Variants in SLC13A3 observed in about 807,000 individuals in gnomAD.
SLC13A3 encodes the protein solute carrier family 13 member 3.
SLC13A3 carries 40 observed loss-of-function variants against 59.0 expected under a neutral mutation model. That is an observed-to-expected ratio of 0.68 (90% CI 0.53 to 0.88). The LOEUF (loss-of-function observed/expected upper bound fraction) is 0.88, where lower values mean the gene tolerates loss of function less well. SLC13A3 is among the 40% of genes least tolerant of loss of function. The pLI, the probability that SLC13A3 is intolerant of heterozygous loss-of-function variation, is 0.00. For missense variants in SLC13A3, 699 were observed against 783.2 expected, an observed-to-expected ratio of 0.89 and a Z score of 1.28; for synonymous variants, 317 against 330.3, an observed-to-expected ratio of 0.96 and a Z score of 0.44.
chr20:46,594,816 G>C (rs148967777), intron 5 of SLC13A3, among the ~76,000 whole-genome samples: 149 of 151,312 alleles, frequency 9.8e-4, no homozygotes, highest in Middle Eastern at 3.4e-3. Context: ...AAAGCATTTT[G>C]GAAGCTGAGA....
intron 3 of SLC13A3, 107 bp from the exon 4 acceptor site, chr20:46,600,144 T>C: frequency 1.7e-6 from 1 of 594,962 alleles, no homozygotes; most frequent in Non-Finnish European, 2.6e-6. Context: ...AAGGATCCTA[T>C]ACTACTCACT....
At chr20:46,677,128 G>A (rs1211132975) in intron 1 of SLC13A3, among the ~76,000 whole-genome samples, 1 of 152,174 alleles carries the variant, frequency 6.6e-6, no homozygotes, top group East Asian at 1.9e-4. Flanking sequence ...TGGCCAGACT[G>A]GACTTGAACT....
At chr20:46,641,702 C>T (rs956806490) in intron 1 of SLC13A3, among the ~76,000 whole-genome samples, 2 of 152,164 alleles carry the variant, frequency 1.3e-5, no homozygotes, top group Non-Finnish European at 2.9e-5. Context: ...TGAGAAAAGA[C>T]AAGGGCAGGG....
upstream of SLC13A3, among the ~76,000 whole-genome samples, chr20:46,672,240 T>C (rs1014347589): frequency 1.3e-5 from 2 of 152,256 alleles, no homozygotes; most frequent in Admixed American, 1.3e-4. Context: ...ATTGAATTGA[T>C]GTGCAAATCC....
At chr20:46,606,378 T>C (rs901838224) in intron 3 of SLC13A3, among the ~76,000 whole-genome samples, 3 of 152,218 alleles carry the variant, frequency 2.0e-5, no homozygotes, top group Non-Finnish European at 4.4e-5. Context: ...ATGAGGAAAG[T>C]TGCAGAAGGT....
chr20:46,658,423 G>GGTA (rs1317756953), intron 1 of SLC13A3, among the ~76,000 whole-genome samples: 2 of 152,180 alleles, frequency 1.3e-5, no homozygotes, highest in Non-Finnish European at 2.9e-5. Context: ...CTGTGGTGGT[G>GGTA]GTAATACAGT....
intron 2 of SLC13A3, among the ~76,000 whole-genome samples, chr20:46,610,906 G>A (rs1332920213): frequency 6.6e-6 from 1 of 151,870 alleles, no homozygotes; most frequent in Non-Finnish European, 1.5e-5. Context: ...AAAGTTGCCG[G>A]GGCACCAAGA....
chr20:46,613,143 G>C (rs1485304883), intron 2 of SLC13A3, among the ~76,000 whole-genome samples: 1 of 151,718 alleles, frequency 6.6e-6, no homozygotes, highest in African/African-American at 2.4e-5. Context: ...TGTCAGTGTG[G>C]CCCCCTCCAA....
At chr20:46,664,673 C>A (rs921315370) in intron 1 of SLC13A3, among the ~76,000 whole-genome samples, 1 of 152,012 alleles carries the variant, frequency 6.6e-6, no homozygotes, top group Non-Finnish European at 1.5e-5. Flanking sequence ...GAAGAAAACA[C>A]AAGGAAGCAG....
chr20:46,586,278 A>G (rs2062190326), intron 8 of SLC13A3, among the ~76,000 whole-genome samples: 1 of 152,182 alleles, frequency 6.6e-6, no homozygotes, highest in Admixed American at 6.5e-5. Flanking sequence ...AATTTGACAC[A>G]GTGCCCACTC....
chr20:46,662,962 G>A (rs1275348568), intron 1 of SLC13A3, among the ~76,000 whole-genome samples: 1 of 152,072 alleles, frequency 6.6e-6, no homozygotes, highest in East Asian at 1.9e-4. Flanking sequence ...TGTATATTTG[G>A]TCTGCTGTTT....
chr20:46,637,803 G>A (rs2062809145), intron 1 of SLC13A3, among the ~76,000 whole-genome samples: 1 of 152,136 alleles, frequency 6.6e-6, no homozygotes, highest in South Asian at 2.1e-4. Flanking sequence ...AAGTGGGAGA[G>A]CAAAGCTGGA....
At chr20:46,649,036 C>T (rs1180680655) in intron 1 of SLC13A3, among the ~76,000 whole-genome samples, 2 of 152,114 alleles carry the variant, frequency 1.3e-5, no homozygotes, top group Non-Finnish European at 2.9e-5. Flanking sequence ...CACCTAACCC[C>T]GCTGAGTTTC....
chr20:46,652,215 T>C (rs1404770265), upstream of SLC13A3, among the ~76,000 whole-genome samples: 1 of 152,158 alleles, frequency 6.6e-6, no homozygotes, highest in Non-Finnish European at 1.5e-5. Context: ...ACAACAAATC[T>C]GCACATGTAC....
chr20:46,582,894 G>A, intron 9 of SLC13A3: 1 of 985,374 alleles, frequency 1.0e-6, no homozygotes, highest in South Asian at 4.7e-5. Context: ...CTGGCAATCT[G>A]AAGGCCACAG....
Position 46,670,075 on chromosome 20 carries a change from C to T in SLC13A3, c.-63G>A, listed in dbSNP as rs1025833365. 3 of 152,116 alleles carry T rather than the reference C, an allele frequency of 2.0e-5. No homozygotes were observed. In the East Asian group the frequency reaches 5.8e-4, roughly 29 times the overall value. The allele number at this position is 152,116 out of a possible 1,614,324, so 9.4% of individuals were successfully genotyped here. A position where few individuals can be genotyped will look rare whatever the true frequency, so the allele number is the denominator to read the frequency against. On this transcript the variant is annotated 5_prime_UTR_variant, in exon 1 of 13. Coordinates refer to the SLC13A3 transcript ENST00000290317. ...GTCTCCTAGAAGGTGCACTGGGAGG[C>T]TTGGGAGGCTGGTGTAGCAGGGACC... is the stretch of plus-strand genomic sequence containing the variant.
upstream of SLC13A3, among the ~76,000 whole-genome samples, chr20:46,654,656 A>C (rs530180146): frequency 1.3e-5 from 2 of 152,154 alleles, no homozygotes; most frequent in East Asian, 3.9e-4. Flanking sequence ...CAGCCTCCTG[A>C]GTAGCTGGGA....
At chr20:46,605,656 G>T (rs2062431028) in intron 3 of SLC13A3, among the ~76,000 whole-genome samples, 2 of 152,094 alleles carry the variant, frequency 1.3e-5, no homozygotes, top group African/African-American at 2.4e-5. Flanking sequence ...GGACCCAATG[G>T]GTCAGTGGCA....
At chr20:46,636,677 G>A (rs2062798249) in intron 1 of SLC13A3, among the ~76,000 whole-genome samples, 3 of 152,228 alleles carry the variant, frequency 2.0e-5, no homozygotes, top group African/African-American at 7.2e-5. Context: ...CAAGGGAAGT[G>A]CCTGGCTTTC....
Sources: allele counts gnomAD v4.1 joint callset (sites outside exome capture counted in the v4.1 genomes callset), GRCh38; gene constraint gnomAD v4.1.1; transcripts MANE v1.5; gene names NCBI Gene and HGNC (gene_info 2026-07-23, HGNC 2026-07-21).